The following TMEM65 variants were observed in gnomAD, a reference collection of about 807,000 sequenced individuals.
TMEM65 encodes the protein transmembrane protein 65.
In TMEM65, 22 loss-of-function variants were observed where a neutral mutation model predicts 25.4. That is an observed-to-expected ratio of 0.86 (90% CI 0.62 to 1.23). TMEM65 has a LOEUF of 1.23. Ranked by LOEUF, TMEM65 falls within the 50% of genes most tolerant of loss-of-function variation. The pLI is 0.00. For synonymous variants in TMEM65, 132 were observed against 126.2 expected (o/e 1.05, Z -0.31); for missense variants, 262 against 308.2 (o/e 0.85, Z 1.12).
At chr8:124,320,021 C>T in intron 6 of TMEM65, 65 bp downstream of exon 6, 1 of 1,300,890 alleles carries the variant, frequency 7.7e-7, no homozygotes, top group Admixed American at 2.1e-5. Flanking sequence ...TCTCAAGGGC[C>T]TGAACTATAC....
intron 1 of TMEM65, among the ~76,000 whole-genome samples, chr8:124,354,013 T>C (rs1332710765): frequency 6.6e-6 from 1 of 152,038 alleles, no homozygotes; most frequent in South Asian, 2.1e-4. Context: ...GGCCAAATGA[T>C]AGGATGAAAA....
chr8:124,314,113 G>T, intron 6 of TMEM65, 52 bp from the exon 7 acceptor site: 1 of 1,442,616 alleles, frequency 6.9e-7, no homozygotes, highest in East Asian at 2.3e-5. Context: ...CTGATAACAA[G>T]AAGGCAGAGA....
chr8:124,366,090 G>A (rs918778912), intron 1 of TMEM65, among the ~76,000 whole-genome samples: 10 of 152,192 alleles, frequency 6.6e-5, no homozygotes, highest in Admixed American at 4.6e-4. Flanking sequence ...GTGTGGTGGT[G>A]TGTGCCTGTA....
chr8:124,359,667 G>A lies in TMEM65; in HGVS notation c.304+12187C>T, dbSNP rs1586473131. ...TGAAGCACAAGGGAGGCTTGAACCT[G>A]GGAGGCAGAAGCTGCAGCGAGCTGA... is the stretch of plus-strand genomic sequence containing the variant. On this transcript the variant is annotated intron_variant, in intron 1 of 6. Transcript: ENST00000297632. Among the ~76,000 whole-genome samples, 3 of 152,072 alleles carry A rather than the reference G, an allele frequency of 2.0e-5. No homozygotes were observed. In the South Asian group the frequency reaches 6.2e-4, roughly 32 times the overall value.
In TMEM65 at chr8:124,329,162, T is replaced by C. The variant is rs573550749; in HGVS notation, c.349+1586A>G. Among the ~76,000 whole-genome samples, 15 of 152,068 alleles carry C rather than the reference T, an allele frequency of 9.9e-5. No homozygotes were observed. In the South Asian group the frequency reaches 3.1e-3, roughly 32 times the overall value. On this transcript the variant is annotated intron_variant, in intron 2 of 6. Transcript: ENST00000297632. ...TATTTGTTATTAAAGGTTGTAAAAATCAAGTAAAACATTAATAAAATGGGA... is the reference window on the plus strand; with the variant it reads ...TATTTGTTATTAAAGGTTGTAAAAACCAAGTAAAACATTAATAAAATGGGA...
chr8:124,342,664 T>A (rs1012063380), intron 1 of TMEM65, among the ~76,000 whole-genome samples: 2 of 152,174 alleles, frequency 1.3e-5, no homozygotes, highest in Non-Finnish European at 2.9e-5. Context: ...TCCTGACTCC[T>A]GAAAACTTCC....
chr8:124,325,606 A>C (rs796487650), intron 3 of TMEM65, among the ~76,000 whole-genome samples: 13 of 152,152 alleles, frequency 8.5e-5, no homozygotes, highest in African/African-American at 2.9e-4. Context: ...AAGCCCCTGA[A>C]ACTGGATTTC....
At chr8:124,366,545 ATTTT>A (rs986794585) in intron 1 of TMEM65, among the ~76,000 whole-genome samples, 1 of 151,394 alleles carries the variant, frequency 6.6e-6, no homozygotes, top group Non-Finnish European at 1.5e-5. Context: ...TTTCAATTTT[ATTTT>A]TTTATTTCCT....
intron 1 of TMEM65, among the ~76,000 whole-genome samples, chr8:124,338,936 A>G (rs1814545406): frequency 6.6e-6 from 1 of 151,980 alleles, no homozygotes; most frequent in Non-Finnish European, 1.5e-5. Flanking sequence ...CACGCCTGTA[A>G]TCCCAGCACT....
In TMEM65 at chr8:124,311,807, T is replaced by G. The variant is rs556589996; in HGVS notation, c.*2153A>C. The G allele has an allele frequency of 1.3e-5, 2 of 152,318 alleles. No individual in the cohort carries two copies. Among genetic ancestry groups the G allele is most frequent in the South Asian group, 4.2e-4 (2 of 4,818 alleles). The allele number at this position is 152,318 out of a possible 1,614,324, so 9.4% of individuals were successfully genotyped here. A position where few individuals can be genotyped will look rare whatever the true frequency, so the allele number is the denominator to read the frequency against. ...TGGTCTCCATTTTTTGAAAATTACCTGAATGATTCAAATTTTTATTATGCC... is the reference window on the plus strand; with the variant it reads ...TGGTCTCCATTTTTTGAAAATTACCGGAATGATTCAAATTTTTATTATGCC... On this transcript the variant is annotated 3_prime_UTR_variant, in exon 7 of 7. Transcript: ENST00000297632.
intron 6 of TMEM65, 98 bp downstream of exon 6, chr8:124,319,988 C>A: frequency 1.1e-6 from 1 of 898,844 alleles, no homozygotes; most frequent in Non-Finnish European, 1.6e-6. Context: ...AAACTCCATT[C>A]AAACCAATTT....
intron 3 of TMEM65, among the ~76,000 whole-genome samples, chr8:124,324,901 T>C (rs895777575): frequency 2.0e-5 from 3 of 152,060 alleles, no homozygotes; most frequent in South Asian, 4.1e-4. Context: ...TGGTTCATTA[T>C]CCTTAATACA....
intron 1 of TMEM65, among the ~76,000 whole-genome samples, chr8:124,367,909 C>G (rs1307763856): frequency 1.3e-4 from 20 of 152,218 alleles, no homozygotes. Context: ...GCTCTGTTCA[C>G]CTCAATACAT....
At chr8:124,336,704 A>G (rs963070768) in intron 1 of TMEM65, among the ~76,000 whole-genome samples, 2 of 151,970 alleles carry the variant, frequency 1.3e-5, no homozygotes, top group Admixed American at 1.3e-4. Flanking sequence ...TACAGTTTGA[A>G]ATACTTACAT....
At chr8:124,359,595 A>G (rs1814833691) in intron 1 of TMEM65, among the ~76,000 whole-genome samples, 1 of 152,168 alleles carries the variant, frequency 6.6e-6, no homozygotes, top group Non-Finnish European at 1.5e-5. Context: ...TATAAAAATT[A>G]GCTAGGCATG....
intron 1 of TMEM65, among the ~76,000 whole-genome samples, chr8:124,363,800 G>A (rs1001820902): frequency 3.4e-5 from 4 of 116,784 alleles, no homozygotes; most frequent in African/African-American, 1.0e-4. Context: ...TCCCGCCACT[G>A]CACTCCAGCC....
chr8:124,362,492 T>C (rs1013211549), intron 1 of TMEM65, among the ~76,000 whole-genome samples: 7 of 151,540 alleles, frequency 4.6e-5, no homozygotes, highest in African/African-American at 1.7e-4. Flanking sequence ...CGAAACCCTG[T>C]CTCTACTAAA....
At chr8:124,365,019 CA>C (rs1321375484) in intron 1 of TMEM65, among the ~76,000 whole-genome samples, 1 of 152,172 alleles carries the variant, frequency 6.6e-6, no homozygotes, top group African/African-American at 2.4e-5. Flanking sequence ...CTAATAATGG[CA>C]AAATATCACA....
chr8:124,323,437 A>C (rs1343186947), intron 3 of TMEM65, 62 bp from the exon 4 acceptor site: 3 of 928,696 alleles, frequency 3.2e-6, no homozygotes, highest in Non-Finnish European at 4.9e-6. Context: ...AAAGAATAGC[A>C]AAGCATTAAT....
Sources: allele counts gnomAD v4.1 joint callset (sites outside exome capture counted in the v4.1 genomes callset), GRCh38; gene constraint gnomAD v4.1.1; transcripts MANE v1.5; gene names NCBI Gene and HGNC (gene_info 2026-07-23, HGNC 2026-07-21).